The following PID1 variants were observed in gnomAD, a reference collection of about 807,000 sequenced individuals.
PID1 encodes phosphotyrosine interaction domain containing 1.
PID1 carries 10 observed loss-of-function variants against 19.1 expected under a neutral mutation model. That is an observed-to-expected ratio of 0.52 (90% CI 0.32 to 0.89). The LOEUF is 0.89. Among genes scored for constraint, PID1 ranks in the 40% least tolerant of loss-of-function variants. The pLI, the probability that PID1 is intolerant of heterozygous loss-of-function variation, is 0.03. For synonymous variants in PID1, 130 were observed against 116.0 expected (o/e 1.12, Z -0.78); for missense variants, 248 against 285.3 (o/e 0.87, Z 0.94).
intron 2 of PID1, among the ~76,000 whole-genome samples, chr2:229,066,291 T>G (rs912988150): frequency 2.6e-5 from 4 of 152,044 alleles, no homozygotes; most frequent in African/African-American, 4.8e-5. Context: ...GACCTCACAG[T>G]CTAGTCAGGA....
chr2:229,264,178 G>A (rs958014054), intron 1 of PID1, among the ~76,000 whole-genome samples: 2 of 152,148 alleles, frequency 1.3e-5, no homozygotes, highest in African/African-American at 4.8e-5. Flanking sequence ...TGGATAGTTG[G>A]GAGCAAACAT....
intron 2 of PID1, among the ~76,000 whole-genome samples, chr2:229,081,592 T>G (rs1694669824): frequency 6.6e-6 from 1 of 152,188 alleles, no homozygotes; most frequent in Non-Finnish European, 1.5e-5. Flanking sequence ...GGCAGCAGCA[T>G]GATGAAACCA....
At chr2:229,064,893 T>A (rs1424080176) in intron 2 of PID1, among the ~76,000 whole-genome samples, 1 of 152,098 alleles carries the variant, frequency 6.6e-6, no homozygotes, top group African/African-American at 2.4e-5. Context: ...AAAGCCAGCA[T>A]AATGGAAAAT....
At chr2:229,097,279 A>C (rs1694990493) in intron 2 of PID1, among the ~76,000 whole-genome samples, 1 of 152,182 alleles carries the variant, frequency 6.6e-6, no homozygotes, top group African/African-American at 2.4e-5. Context: ...CATATGTGCT[A>C]TGTTCTTTGT....
intron 2 of PID1, among the ~76,000 whole-genome samples, chr2:229,131,968 A>G (rs1689751927): frequency 6.6e-6 from 1 of 152,214 alleles, no homozygotes; most frequent in African/African-American, 2.4e-5. Context: ...GAGCAGGATT[A>G]AGCTATCTTA....
chr2:229,103,870 C>T (rs954796042), intron 2 of PID1, among the ~76,000 whole-genome samples: 1 of 152,186 alleles, frequency 6.6e-6, no homozygotes, highest in African/African-American at 2.4e-5. Flanking sequence ...AGCCACCACA[C>T]CCAGCCTATG....
chr2:229,061,764 T>C (rs1270686898), intron 2 of PID1, among the ~76,000 whole-genome samples: 5 of 152,016 alleles, frequency 3.3e-5, no homozygotes, highest in African/African-American at 1.2e-4. Context: ...TGCATTCATG[T>C]TGTCCACAAT....
At chr2:229,199,178 A>T (rs926206194) in intron 1 of PID1, among the ~76,000 whole-genome samples, 3 of 151,944 alleles carry the variant, frequency 2.0e-5, no homozygotes, top group Non-Finnish European at 4.4e-5. Flanking sequence ...CCTTATCATC[A>T]TCCATATTTC....
intron 1 of PID1, among the ~76,000 whole-genome samples, chr2:229,161,007 G>A (rs1690482011): frequency 6.6e-6 from 1 of 152,136 alleles, no homozygotes; most frequent in African/African-American, 2.4e-5. Context: ...TGTTGAATGA[G>A]GCTGTCAGTC....
chr2:229,163,318 C>G (rs1382738396), intron 1 of PID1, among the ~76,000 whole-genome samples: 1 of 152,170 alleles, frequency 6.6e-6, no homozygotes, highest in Non-Finnish European at 1.5e-5. Context: ...CTTCTTGTTA[C>G]AATTCATCCT....
chr2:229,141,746 T>C (rs989502548), intron 2 of PID1, among the ~76,000 whole-genome samples: 6 of 152,138 alleles, frequency 3.9e-5, no homozygotes, highest in African/African-American at 1.2e-4. Flanking sequence ...GAGTAAATTA[T>C]TTTATAATTC....
At chr2:229,216,332 A>G (rs1574729939) in intron 1 of PID1, among the ~76,000 whole-genome samples, 1 of 152,304 alleles carries the variant, frequency 6.6e-6, no homozygotes, top group East Asian at 1.9e-4. Context: ...CTCCCGATTC[A>G]GAGCTTGATA....
chr2:229,232,076 G>A lies in PID1; in HGVS notation c.30+38938C>T, dbSNP rs1443625116. ...ACATGGCACGAAGCCTCTTGTACAA[G>A]GCTTTTCATTCCATTCAAGAGGGGA... is the stretch of plus-strand genomic sequence containing the variant. On this transcript the variant is annotated intron_variant, in intron 1 of 2. Coordinates refer to ENST00000392055, the MANE Select transcript of PID1 (RefSeq NM_001100818.2). 3.3e-6 allele frequency: 5 copies of A among 1,516,530 alleles called. No individual in the cohort carries two copies. The South Asian group carries it at 5.1e-5, about 15-fold the overall frequency. 93.9% of individuals were successfully genotyped at this position (1,516,530 alleles called of 1,614,324 possible).
At chr2:229,239,806 T>C (rs1445372571) in intron 1 of PID1, among the ~76,000 whole-genome samples, 1 of 152,196 alleles carries the variant, frequency 6.6e-6, no homozygotes, top group African/African-American at 2.4e-5. Context: ...TTGCTTTTGG[T>C]AGCATTAATT....
chr2:229,129,706 T>C (rs1330272150), intron 2 of PID1, among the ~76,000 whole-genome samples: 1 of 152,042 alleles, frequency 6.6e-6, no homozygotes, highest in African/African-American at 2.4e-5. Flanking sequence ...TTGTCCCTTT[T>C]CCCCCCATAT....
intron 1 of PID1, among the ~76,000 whole-genome samples, chr2:229,246,087 C>A (rs575274889): frequency 1.5e-4 from 23 of 152,264 alleles, no homozygotes; most frequent in African/African-American, 4.8e-4. Context: ...CATATAATAG[C>A]AATCGCTGAT....
At chr2:229,200,254 T>A (rs1378789289) in intron 1 of PID1, among the ~76,000 whole-genome samples, 2 of 152,012 alleles carry the variant, frequency 1.3e-5, no homozygotes, top group African/African-American at 4.8e-5. Flanking sequence ...CTTCTCAGGT[T>A]CTCAGGTAGG....
chr2:229,246,114 TA>T (rs768967692), intron 1 of PID1, among the ~76,000 whole-genome samples: 2 of 152,156 alleles, frequency 1.3e-5, no homozygotes, highest in Admixed American at 6.5e-5. Context: ...CTAGGCTAGT[TA>T]GAGTTTAAAA....
chr2:229,249,128 C>G (rs1456767961), intron 1 of PID1, among the ~76,000 whole-genome samples: 1 of 152,092 alleles, frequency 6.6e-6, no homozygotes, highest in Non-Finnish European at 1.5e-5. Flanking sequence ...TCTTGCATTC[C>G]TGAAATTAAA....
Sources: allele counts gnomAD v4.1 joint callset (sites outside exome capture counted in the v4.1 genomes callset), GRCh38; gene constraint gnomAD v4.1.1; transcripts MANE v1.5; gene names NCBI Gene and HGNC (gene_info 2026-07-23, HGNC 2026-07-21).